Variants in KCNIP1 observed in about 807,000 individuals in gnomAD.
KCNIP1 encodes the protein A-type potassium channel modulatory protein KCNIP1.
KCNIP1 carries 18 observed loss-of-function variants against 33.0 expected under a neutral mutation model. The observed-to-expected ratio is 0.55, with a 90% CI of 0.38 to 0.81. The LOEUF (loss-of-function observed/expected upper bound fraction) is 0.81. KCNIP1 is among the 30% of genes least tolerant of loss of function. The pLI is 0.00. For synonymous variants in KCNIP1, 93 were observed against 98.3 expected, an observed-to-expected ratio of 0.95 and a Z score of 0.32; for missense variants, 238 against 271.6, an observed-to-expected ratio of 0.88 and a Z score of 0.87.
Position 170,504,733 on chromosome 5 carries a change from T to C in KCNIP1, c.61+100T>C. On this transcript the variant is annotated intron_variant, in intron 1 of 7. Transcript: ENST00000328939. This position sits in a 1 kb window ranked among gnomAD's most constrained non-coding sequence, Gnocchi z 6.0. ...GCCTCCCTTAGTCCGGACTCTCCTC[T>C]CCACGAGGAGCCCGGACAGGTGCTT... The C allele has an allele frequency of 1.0e-6, 1 of 973,226 alleles. No homozygotes were observed. Among genetic ancestry groups the C allele is most frequent in the Non-Finnish European group, 1.6e-6 (1 of 608,478 alleles). The allele number at this position is 973,226 out of a possible 1,614,324, so 60.3% of individuals were successfully genotyped here.
intron 1 of KCNIP1, among the ~76,000 whole-genome samples, chr5:170,649,333 A>G (rs1381679465): frequency 2.6e-5 from 4 of 152,224 alleles, no homozygotes; most frequent in South Asian, 2.1e-4. Flanking sequence ...AAGATTTACT[A>G]TCAAGTGGTT....
intron 1 of KCNIP1, among the ~76,000 whole-genome samples, chr5:170,575,716 T>C (rs545194190): frequency 5.3e-5 from 8 of 152,296 alleles, no homozygotes; most frequent in South Asian, 4.1e-4. Flanking sequence ...TCTTCCTCTT[T>C]CCTGGACAAA....
chr5:170,658,398 T>TC (rs1761352041), intron 1 of KCNIP1, among the ~76,000 whole-genome samples: 1 of 152,004 alleles, frequency 6.6e-6, no homozygotes, highest in African/African-American at 2.4e-5. Context: ...CCAGTCCCAC[T>TC]CCCCAAATAA....
In KCNIP1 at chr5:170,575,360, T is replaced by G. The variant is rs1757563648; in HGVS notation, c.61+70727T>G. Among the ~76,000 whole-genome samples the G allele has an allele frequency of 2.0e-5, 3 of 152,236 alleles. No individual in the cohort carries two copies. The South Asian group carries it at 6.2e-4, about 32-fold the overall frequency. On this transcript the variant is annotated intron_variant, in intron 1 of 7. Coordinates refer to ENST00000328939, the MANE Select transcript of KCNIP1 (RefSeq NM_014592.4). Reference sequence around the variant, plus strand: ...TTAATAGGGCATATGTTACTTAAGTTTAAGCAGGAAAAATGGGTTTAAGAA... The same window carrying G: ...TTAATAGGGCATATGTTACTTAAGTGTAAGCAGGAAAAATGGGTTTAAGAA...
chr5:170,685,696 C>G (rs1411478790), intron 1 of KCNIP1, among the ~76,000 whole-genome samples: 2 of 152,040 alleles, frequency 1.3e-5, no homozygotes, highest in African/African-American at 4.8e-5. Flanking sequence ...CCCATGTTGA[C>G]CAGGCTAGCC....
At chr5:170,391,981 C>A (rs530557134) in intron 1 of KCNIP1, among the ~76,000 whole-genome samples, 1 of 152,350 alleles carries the variant, frequency 6.6e-6, no homozygotes, top group South Asian at 2.1e-4. Flanking sequence ...TTCCCCTTCA[C>A]CCTGGGTGGA....
intron 1 of KCNIP1, among the ~76,000 whole-genome samples, chr5:170,549,276 A>C (rs35443587): frequency 0.088 from 13,398 of 152,296 alleles, 786 homozygotes; most frequent in Middle Eastern, 0.2. Flanking sequence ...GTCCTAGGCC[A>C]TGATAATGCT....
intron 1 of KCNIP1, among the ~76,000 whole-genome samples, chr5:170,512,620 A>T (rs1371352140): frequency 1.3e-5 from 2 of 152,242 alleles, no homozygotes; most frequent in Non-Finnish European, 2.9e-5. Context: ...TGAGGATTAA[A>T]TGCAGTCATG....
At chr5:170,625,934 T>C (rs1316052758) in intron 1 of KCNIP1, among the ~76,000 whole-genome samples, 1 of 152,102 alleles carries the variant, frequency 6.6e-6, no homozygotes, top group Non-Finnish European at 1.5e-5. Context: ...GGATGGGCAT[T>C]GCAGGCAAGG....
At chr5:170,446,647 G>A (rs1199339537) in intron 1 of KCNIP1, among the ~76,000 whole-genome samples, 2 of 152,066 alleles carry the variant, frequency 1.3e-5, no homozygotes, top group African/African-American at 2.4e-5. Context: ...TTATTTTGCT[G>A]TCCATCCTGA....
intron 1 of KCNIP1, among the ~76,000 whole-genome samples, chr5:170,711,642 A>T (rs1763447031): frequency 6.6e-6 from 1 of 152,194 alleles, no homozygotes; most frequent in African/African-American, 2.4e-5. Context: ...ATAATAGGAG[A>T]AACTGTGAGG....
Position 170,703,686 on chromosome 5 carries a change from C to G in KCNIP1, c.62-15072C>G, listed in dbSNP as rs571821985. Among the ~76,000 whole-genome samples, 4 of 137,864 alleles carry G rather than the reference C, an allele frequency of 2.9e-5. 1 individual carries two copies. Among genetic ancestry groups the G allele is most frequent in the African/African-American group, 1.1e-4 (4 of 37,760 alleles). The allele number at this position is 137,864 out of a possible 152,430, so 90.4% of individuals were successfully genotyped here. ...GGGCTGCCAGATTGTGATTTCTGAA[C>G]TAAACTGTCAGATTACAAAGTTACC... On this transcript the variant is annotated intron_variant, in intron 1 of 7. Coordinates refer to ENST00000328939, the MANE Select transcript of KCNIP1 (RefSeq NM_014592.4).
intron 1 of KCNIP1, among the ~76,000 whole-genome samples, chr5:170,425,373 A>G (rs1214510742): frequency 6.6e-6 from 1 of 152,106 alleles, no homozygotes; most frequent in Admixed American, 6.5e-5. Flanking sequence ...GATTCTGAAA[A>G]CCAATTCTTA....
At chr5:170,588,295 G>A (rs146631312) in intron 1 of KCNIP1, among the ~76,000 whole-genome samples, 126 of 152,278 alleles carry the variant, frequency 8.3e-4, no homozygotes, top group African/African-American at 2.8e-3. Context: ...GTCACCTGAG[G>A]CCACACAGTC....
intron 1 of KCNIP1, among the ~76,000 whole-genome samples, chr5:170,616,857 G>A (rs1189813243): frequency 6.6e-6 from 1 of 151,980 alleles, no homozygotes; most frequent in East Asian, 1.9e-4. Flanking sequence ...CTTCTGCCTT[G>A]TGCCACTGCT....
intron 1 of KCNIP1, chr5:170,483,293 C>T (rs1287327858): frequency 7.2e-6 from 2 of 276,714 alleles, no homozygotes; most frequent in Non-Finnish European, 1.4e-5. Flanking sequence ...CCAACATTCC[C>T]TCCCCAGGAG....
At chr5:170,357,830 G>C (rs543799871) in intron 1 of KCNIP1, among the ~76,000 whole-genome samples, 233 of 152,272 alleles carry the variant, frequency 1.5e-3, no homozygotes, top group Admixed American at 3.5e-3. Context: ...TCCAGCCACT[G>C]GATGACTTTA....
At chr5:170,458,133 A>G (rs1756429105) in intron 1 of KCNIP1, among the ~76,000 whole-genome samples, 1 of 152,224 alleles carries the variant, frequency 6.6e-6, no homozygotes, top group African/African-American at 2.4e-5. Context: ...AATGAACCCA[A>G]TCCAAAAAAG....
intron 1 of KCNIP1, among the ~76,000 whole-genome samples, chr5:170,676,054 G>GA: frequency 8.1e-6 from 1 of 122,934 alleles, no homozygotes; most frequent in Non-Finnish European, 1.8e-5. Flanking sequence ...GAGCAGAAAG[G>GA]AGGGAGGAAG....
Sources: allele counts gnomAD v4.1 joint callset (sites outside exome capture counted in the v4.1 genomes callset), GRCh38; gene constraint gnomAD v4.1.1; non-coding constraint Gnocchi (gnomAD v3.1); transcripts MANE v1.5; gene names NCBI Gene and HGNC (gene_info 2026-07-23, HGNC 2026-07-21).